The following PMFBP1 variants were observed in gnomAD, a reference collection of about 807,000 sequenced individuals.
PMFBP1 encodes the protein polyamine-modulated factor 1-binding protein 1.
PMFBP1 carries 131 observed loss-of-function variants against 137.8 expected under a neutral mutation model. The observed-to-expected ratio is 0.95, with a 90% confidence interval of 0.82 to 1.10. PMFBP1 has a LOEUF of 1.10. PMFBP1 is among the 50% of genes least tolerant of loss of function. The probability of loss-of-function intolerance (pLI) is 0.00; values close to 1 mark genes in which losing one functional copy is unlikely to be tolerated. For synonymous variants in PMFBP1, 490 were observed against 450.4 expected, an observed-to-expected ratio of 1.09 and a Z score of -1.11; for missense variants, 1,199 against 1,175.4, an observed-to-expected ratio of 1.02 and a Z score of -0.29.
At chr16:72,148,998 G>T (rs1389073087) in intron 5 of PMFBP1, among the ~76,000 whole-genome samples, 1 of 152,178 alleles carries the variant, frequency 6.6e-6, no homozygotes, top group Non-Finnish European at 1.5e-5. Context: ...CAGCTCTGTG[G>T]GGTTGGCTGA....
chr16:72,210,128 G>T, the PMFBP1 span, among the ~76,000 whole-genome samples: 1 of 152,186 alleles, frequency 6.6e-6, no homozygotes, highest in Non-Finnish European at 1.5e-5. Context: ...AGTGAATTCT[G>T]TTTCCTCCTG....
chr16:72,207,859 G>C, the PMFBP1 span, among the ~76,000 whole-genome samples: 2 of 152,272 alleles, frequency 1.3e-5, no homozygotes, highest in African/African-American at 4.8e-5. Context: ...AGACCCAGGA[G>C]AGTCAATGTG....
the PMFBP1 span, among the ~76,000 whole-genome samples, chr16:72,196,694 C>A: frequency 6.6e-6 from 1 of 152,188 alleles, no homozygotes; most frequent in Non-Finnish European, 1.5e-5. Flanking sequence ...ATTAATGGGA[C>A]TGAATTCATC....
At chr16:72,239,988 C>T in the PMFBP1 span, among the ~76,000 whole-genome samples, 1 of 150,236 alleles carries the variant, frequency 6.7e-6, no homozygotes, top group Non-Finnish European at 1.5e-5. Flanking sequence ...AGGAGATATA[C>T]TCGAGGGTTT....
At chr16:72,125,840 C>T in intron 15 of PMFBP1, 128 bp downstream of exon 15, 2 of 1,195,892 alleles carry the variant, frequency 1.7e-6, no homozygotes, top group Non-Finnish European at 1.2e-6. Flanking sequence ...GACATCCCAG[C>T]CCACACAAGG....
chr16:72,239,901 G>GAAAAAAAAA, the PMFBP1 span, among the ~76,000 whole-genome samples: 4 of 87,788 alleles, frequency 4.6e-5, no homozygotes, highest in South Asian at 3.7e-4. Context: ...AAAAAAAAAA[G>GAAAAAAAAA]AAAAAAAAAA....
chr16:72,171,449 G>A, intron 1 of PMFBP1, 181 bp from the exon 2 acceptor site: 1 of 504,452 alleles, frequency 2.0e-6, no homozygotes, highest in Non-Finnish European at 3.5e-6. Flanking sequence ...ACCTCCAGAT[G>A]GCAGGACCAT....
the PMFBP1 span, among the ~76,000 whole-genome samples, chr16:72,235,586 G>C: frequency 6.7e-6 from 1 of 149,902 alleles, no homozygotes; most frequent in South Asian, 2.1e-4. Flanking sequence ...GGATTGTGTT[G>C]AATCTGTAGA....
At chr16:72,146,792 A>C (rs1342427322) in intron 5 of PMFBP1, among the ~76,000 whole-genome samples, 1 of 152,138 alleles carries the variant, frequency 6.6e-6, no homozygotes, top group African/African-American at 2.4e-5. Flanking sequence ...AAAGAGAATA[A>C]AATACCTAGG....
the PMFBP1 span, among the ~76,000 whole-genome samples, chr16:72,195,981 ATGTGTGTGTGTGTG>A: frequency 0.048 from 6,910 of 145,002 alleles, 339 homozygotes; most frequent in African/African-American, 0.13. Context: ...AGCTTACAGA[ATGTGTGTGTGTGTG>A]TGTGTGTGTG....
At chr16:72,128,555 C>G in intron 14 of PMFBP1, 102 bp downstream of exon 14, 1 of 1,604,136 alleles carries the variant, frequency 6.2e-7, no homozygotes, top group Non-Finnish European at 8.5e-7. Flanking sequence ...GTTGGCTGAG[C>G]AGTTAGCTGC....
At chr16:72,153,210 G>A (rs749887673) in intron 4 of PMFBP1, among the ~76,000 whole-genome samples, 2 of 152,162 alleles carry the variant, frequency 1.3e-5, no homozygotes, top group Non-Finnish European at 2.9e-5. Context: ...CTAAGTCATA[G>A]ATTATATTTG....
the PMFBP1 span, among the ~76,000 whole-genome samples, chr16:72,187,662 T>G: frequency 6.6e-6 from 1 of 152,226 alleles, no homozygotes; most frequent in South Asian, 2.1e-4. Context: ...TATTGTTATG[T>G]TGGAAAATAC....
At chr16:72,238,669 C>T in the PMFBP1 span, among the ~76,000 whole-genome samples, 1 of 152,150 alleles carries the variant, frequency 6.6e-6, no homozygotes, top group Non-Finnish European at 1.5e-5. Flanking sequence ...CATAAAGTAC[C>T]TGCTATGTTT....
At chr16:72,180,602 A>G (rs1322443812), upstream of PMFBP1, among the ~76,000 whole-genome samples, 1 of 152,096 alleles carries the variant, frequency 6.6e-6, no homozygotes, top group Non-Finnish European at 1.5e-5. Flanking sequence ...GCGACTCCCA[A>G]GCAGGGATCG....
chr16:72,233,752 C>T, the PMFBP1 span, among the ~76,000 whole-genome samples: 2 of 152,160 alleles, frequency 1.3e-5, no homozygotes, highest in Non-Finnish European at 2.9e-5. Context: ...CTCCTTCCCT[C>T]AGCCCCTGGA....
At chr16:72,177,442 G>A (rs534847571), upstream of PMFBP1, among the ~76,000 whole-genome samples, 2 of 152,078 alleles carry the variant, frequency 1.3e-5, no homozygotes, top group East Asian at 1.9e-4. Context: ...CTTTATTATG[G>A]TTGTTTGTGA....
chr16:72,157,364 T>G (rs2042998653), intron 3 of PMFBP1, among the ~76,000 whole-genome samples: 1 of 151,918 alleles, frequency 6.6e-6, no homozygotes, highest in South Asian at 2.1e-4. Flanking sequence ...GGAGGTTACA[T>G]TTTTGAATTA....
chr16:72,177,934 C>T (rs537539393), upstream of PMFBP1, among the ~76,000 whole-genome samples: 1 of 152,140 alleles, frequency 6.6e-6, no homozygotes, highest in Non-Finnish European at 1.5e-5. Context: ...CTTTGTTGCC[C>T]AGGCTGGAGT....
Sources: gnomAD v4.1 joint callset for allele counts (sites outside exome capture counted in the v4.1 genomes callset) on GRCh38, gnomAD v4.1.1 for gene constraint, MANE v1.5 for transcripts, NCBI Gene and HGNC (gene_info 2026-07-23, HGNC 2026-07-21) for gene names.